Variants in PRIM2 observed in about 807,000 individuals in gnomAD.
PRIM2 encodes the protein DNA primase large subunit.
PRIM2 carries 39 observed loss-of-function variants against 67.3 expected under a neutral mutation model. That is an observed-to-expected ratio of 0.58 (90% CI 0.45 to 0.76). The LOEUF (loss-of-function observed/expected upper bound fraction) is 0.76. Ranked by LOEUF, PRIM2 falls within the 30% of genes least tolerant of loss-of-function variation. The probability of loss-of-function intolerance (pLI) is 0.00; values close to 1 mark genes in which losing one functional copy is unlikely to be tolerated. For missense variants in PRIM2, 398 were observed against 598.7 expected (o/e 0.66, Z 3.50); for synonymous variants, 143 against 198.7 (o/e 0.72, Z 2.36).
At chr6:57,366,507 C>T (rs555726494) in intron 5 of PRIM2, among the ~76,000 whole-genome samples, 3 of 152,084 alleles carry the variant, frequency 2.0e-5, no homozygotes, top group East Asian at 1.9e-4. Flanking sequence ...GTGCTGTGAT[C>T]GTGGGAGTGG....
At chr6:57,635,151 G>A (rs2127500173) in intron 13 of PRIM2, among the ~76,000 whole-genome samples, 1 of 152,240 alleles carries the variant, frequency 6.6e-6, no homozygotes, top group African/African-American at 2.4e-5. Context: ...CACTATGATA[G>A]TTCCATATGG....
At chr6:57,427,752 A>T (rs1725261962) in intron 7 of PRIM2, among the ~76,000 whole-genome samples, 2 of 152,160 alleles carry the variant, frequency 1.3e-5, no homozygotes, top group Non-Finnish European at 2.9e-5. Context: ...GTTAAGGATG[A>T]TGAATTAAGG....
chr6:57,326,700 G>T (rs1304820417), intron 5 of PRIM2, among the ~76,000 whole-genome samples: 1 of 150,698 alleles, frequency 6.6e-6, no homozygotes, highest in Non-Finnish European at 1.5e-5. Context: ...TAGTCTGGGC[G>T]AAAGAGCAAG....
chr6:57,418,783 T>C (rs1355029377), intron 7 of PRIM2, among the ~76,000 whole-genome samples: 1 of 152,188 alleles, frequency 6.6e-6, no homozygotes, highest in Non-Finnish European at 1.5e-5. Context: ...TAGAGGGACT[T>C]AGGAAATAGC....
At chr6:57,523,992 A>G (rs1774687083) in intron 8 of PRIM2, among the ~76,000 whole-genome samples, 1 of 151,958 alleles carries the variant, frequency 6.6e-6, no homozygotes, top group African/African-American at 2.4e-5. Context: ...TTATATATCC[A>G]TGGTATTTTT....
chr6:57,301,623 G>A, the PRIM2 span, among the ~76,000 whole-genome samples: 1 of 152,188 alleles, frequency 6.6e-6, no homozygotes. Flanking sequence ...CCAACATGGT[G>A]AAACCCCATC....
chr6:57,293,344 T>C, the PRIM2 span, among the ~76,000 whole-genome samples: 1 of 152,156 alleles, frequency 6.6e-6, no homozygotes, highest in Non-Finnish European at 1.5e-5. Flanking sequence ...CAATAGATGC[T>C]GTAGAGGATG....
intron 12 of PRIM2, among the ~76,000 whole-genome samples, chr6:57,631,370 G>C (rs2127499340): frequency 6.6e-6 from 1 of 152,104 alleles, no homozygotes; most frequent in East Asian, 1.9e-4. Flanking sequence ...TTGAGGGCTT[G>C]GGGGAGGCAA....
chr6:57,366,698 C>T (rs527715865), intron 5 of PRIM2, among the ~76,000 whole-genome samples: 4 of 152,250 alleles, frequency 2.6e-5, no homozygotes, highest in African/African-American at 9.6e-5. Flanking sequence ...GGAAGTCCCA[C>T]ATCCTTAGAA....
chr6:57,592,238 T>C (rs1471957462), intron 10 of PRIM2, among the ~76,000 whole-genome samples: 2 of 152,194 alleles, frequency 1.3e-5, no homozygotes, highest in African/African-American at 2.4e-5. Flanking sequence ...ACTTGGGTGA[T>C]GGGATCATTA....
At chr6:57,589,841 TAAAC>T (rs1369098121) in intron 10 of PRIM2, among the ~76,000 whole-genome samples, 1 of 151,970 alleles carries the variant, frequency 6.6e-6, no homozygotes, top group Admixed American at 6.6e-5. Context: ...GAAGCAGGAT[TAAAC>T]AGACAGAAGA....
At chr6:57,522,419 A>C (rs1179358308) in intron 8 of PRIM2, among the ~76,000 whole-genome samples, 3 of 152,220 alleles carry the variant, frequency 2.0e-5, no homozygotes, top group Admixed American at 2.0e-4. Context: ...GAGGGCAACA[A>C]ATGTAAGCCA....
intron 11 of PRIM2, among the ~76,000 whole-genome samples, chr6:57,601,907 A>C (rs1247968197): frequency 3.9e-5 from 6 of 152,184 alleles, no homozygotes; most frequent in African/African-American, 1.2e-4. Flanking sequence ...GGACTGCTAA[A>C]GATCAAATAA....
chr6:57,480,508 A>G (rs1232124594), intron 7 of PRIM2, among the ~76,000 whole-genome samples: 2 of 152,226 alleles, frequency 1.3e-5, no homozygotes, highest in East Asian at 3.9e-4. Flanking sequence ...ATGGAATTTT[A>G]TCATATTTAT....
intron 7 of PRIM2, among the ~76,000 whole-genome samples, chr6:57,499,030 G>C (rs1774070986): frequency 6.6e-6 from 1 of 152,156 alleles, no homozygotes. Context: ...ATATCCTTTA[G>C]GGGGTTTTAA....
intron 13 of PRIM2, among the ~76,000 whole-genome samples, chr6:57,642,460 T>TTTTTTTTA (rs1777258836): frequency 1.9e-5 from 2 of 106,150 alleles, no homozygotes; most frequent in Non-Finnish European, 3.9e-5. Context: ...TTTTTTTTTT[T>TTTTTTTTA]GAGACGGAGT....
the PRIM2 span, among the ~76,000 whole-genome samples, chr6:57,240,192 C>T: frequency 6.8e-6 from 1 of 146,954 alleles, no homozygotes; most frequent in African/African-American, 2.5e-5. Context: ...ACCTCTGCCT[C>T]CCGGGTTCAA....
the PRIM2 span, among the ~76,000 whole-genome samples, chr6:57,250,200 T>C: frequency 6.6e-6 from 1 of 152,238 alleles, no homozygotes; most frequent in African/African-American, 2.4e-5. Context: ...TTTACAAATA[T>C]TGCTATTTCT....
intron 7 of PRIM2, among the ~76,000 whole-genome samples, chr6:57,440,210 CT>C (rs1228970933): frequency 6.7e-6 from 1 of 149,376 alleles, no homozygotes; most frequent in African/African-American, 2.5e-5. Flanking sequence ...TTTTCTTTTC[CT>C]TTTTTCCCCC....
Sources: gnomAD v4.1 joint callset for allele counts (sites outside exome capture counted in the v4.1 genomes callset) on GRCh38, gnomAD v4.1.1 for gene constraint, MANE v1.5 for transcripts, NCBI Gene and HGNC (gene_info 2026-07-23, HGNC 2026-07-21) for gene names.